The following LUZP2 variants were observed in gnomAD, a reference collection of about 807,000 sequenced individuals.
LUZP2 encodes leucine zipper protein 2.
Under a neutral mutation model 51.6 loss-of-function variants are expected in LUZP2, and 52 were observed. The ratio of observed to expected loss-of-function variants is 1.01; its 90% CI spans 0.81 to 1.27. LUZP2 has a LOEUF of 1.27. LUZP2 is among the 50% of genes most tolerant of loss of function. The pLI, the probability that LUZP2 is intolerant of heterozygous loss-of-function variation, is 0.00. For missense variants in LUZP2, 436 were observed against 395.4 expected (o/e 1.10, Z -0.87); for synonymous variants, 154 against 137.3 (o/e 1.12, Z -0.85).
At chr11:24,757,965 G>A (rs1859835454) in intron 4 of LUZP2, among the ~76,000 whole-genome samples, 1 of 152,028 alleles carries the variant, frequency 6.6e-6, no homozygotes. Flanking sequence ...GGATTTTAAT[G>A]ATGACTTTTA....
intron 1 of LUZP2, among the ~76,000 whole-genome samples, chr11:24,567,823 A>C (rs1852292419): frequency 6.6e-6 from 1 of 152,162 alleles, no homozygotes; most frequent in African/African-American, 2.4e-5. Flanking sequence ...ATCTGCCTGA[A>C]AAAGAGATCC....
At chr11:24,522,392 G>C (rs1382918563) in intron 1 of LUZP2, among the ~76,000 whole-genome samples, 2 of 150,618 alleles carry the variant, frequency 1.3e-5, no homozygotes, top group African/African-American at 4.9e-5. Context: ...AGCAAAATCT[G>C]TTTCATTCAT....
At chr11:24,704,095 A>G in intron 1 of LUZP2, among the ~76,000 whole-genome samples, 1 of 150,364 alleles carries the variant, frequency 6.7e-6, no homozygotes, top group East Asian at 2.0e-4. Flanking sequence ...ATCCACCAGC[A>G]ACACACATAT....
chr11:25,026,522 G>A (rs1857496725), intron 9 of LUZP2, among the ~76,000 whole-genome samples: 1 of 139,848 alleles, frequency 7.2e-6, no homozygotes, highest in Admixed American at 7.6e-5. Context: ...TAAGCTTATT[G>A]CCTTAAAATG....
At chr11:24,988,921 G>C (rs908459815) in intron 9 of LUZP2, among the ~76,000 whole-genome samples, 1 of 151,654 alleles carries the variant, frequency 6.6e-6, no homozygotes, top group African/African-American at 2.4e-5. Context: ...CCTCCAAGAA[G>C]ACACAACACA....
At chr11:24,949,332 C>CTA in intron 7 of LUZP2, among the ~76,000 whole-genome samples, 1 of 36,250 alleles carries the variant, frequency 2.8e-5, no homozygotes, top group Non-Finnish European at 6.4e-5. Context: ...ATCTATCTAT[C>CTA]TCTCTATCTA....
intron 1 of LUZP2, among the ~76,000 whole-genome samples, chr11:24,686,188 C>A (rs945660004): frequency 2.0e-5 from 3 of 147,286 alleles, no homozygotes; most frequent in Non-Finnish European, 4.5e-5. Context: ...TGTAGTCATG[C>A]TTTTGATAGA....
intron 1 of LUZP2, among the ~76,000 whole-genome samples, chr11:24,507,355 A>T (rs1202050474): frequency 6.6e-6 from 1 of 152,102 alleles, no homozygotes; most frequent in East Asian, 1.9e-4. Context: ...GAATGGGAAG[A>T]TGTTGATGTT....
chr11:24,918,464 A>G (rs530964829), intron 7 of LUZP2, among the ~76,000 whole-genome samples: 4 of 151,906 alleles, frequency 2.6e-5, no homozygotes, highest in East Asian at 3.9e-4. Flanking sequence ...AGGTTTGCAC[A>G]TGATTATCTC....
chr11:25,077,339 C>G lies in LUZP2; in HGVS notation c.869C>G (p.Pro290Arg), dbSNP rs201686624. The G allele has an allele frequency of 1.9e-6, 3 of 1,611,674 alleles. No individual in the cohort carries two copies. ...TTGCTACTTTTGTAGGAGGGCAGAC[C>G]GTGTTCCATGAAGCACAAAGAAAGT... ...TACDSQDEGRPCSMKHKESPP... is the reference protein window; with the variant it reads ...TACDSQDEGRRCSMKHKESPP... Residue 290 changes from proline to arginine, a missense_variant, in exon 11 of 12, where the codon CCG becomes CGG. Pro to Arg is a moderately radical substitution (Grantham distance 103, BLOSUM62 -2). Coordinates refer to ENST00000336930, the MANE Select transcript of LUZP2 (RefSeq NM_001009909.4).
At chr11:24,756,444 T>G (rs1158588636) in intron 4 of LUZP2, among the ~76,000 whole-genome samples, 1 of 152,242 alleles carries the variant, frequency 6.6e-6, no homozygotes, top group Non-Finnish European at 1.5e-5. Context: ...ATTCCACTGA[T>G]AGCTTTTACC....
chr11:24,911,219 T>C (rs952315957), intron 6 of LUZP2, among the ~76,000 whole-genome samples: 5 of 152,146 alleles, frequency 3.3e-5, no homozygotes, highest in African/African-American at 1.2e-4. Context: ...AAGGGAATTG[T>C]GTTCTCAGAT....
intron 1 of LUZP2, among the ~76,000 whole-genome samples, chr11:24,675,869 A>G (rs1856531196): frequency 6.6e-6 from 1 of 151,464 alleles, no homozygotes; most frequent in Non-Finnish European, 1.5e-5. Flanking sequence ...CCCAGGCTGG[A>G]GTACAGTGGT....
chr11:24,858,592 G>C (rs1016465968), intron 5 of LUZP2, among the ~76,000 whole-genome samples: 2 of 152,096 alleles, frequency 1.3e-5, no homozygotes, highest in Non-Finnish European at 2.9e-5. Flanking sequence ...AAGAGCTATT[G>C]CCAAATGCAA....
intron 1 of LUZP2, among the ~76,000 whole-genome samples, chr11:24,726,396 A>G (rs1462861124): frequency 1.3e-5 from 2 of 151,994 alleles, no homozygotes; most frequent in Non-Finnish European, 2.9e-5. Context: ...ACCAGCACAT[A>G]TTGAAACTAA....
chr11:24,569,989 T>C (rs1852382038), intron 1 of LUZP2, among the ~76,000 whole-genome samples: 1 of 152,108 alleles, frequency 6.6e-6, no homozygotes, highest in Non-Finnish European at 1.5e-5. Flanking sequence ...ATTTACATAC[T>C]GACAAGTTAC....
intron 5 of LUZP2, chr11:24,785,830 C>T (rs1849231466): frequency 4.1e-6 from 4 of 982,198 alleles, no homozygotes; most frequent in South Asian, 4.7e-5. Flanking sequence ...AAGTTCCAGG[C>T]TTCAAGAGGC....
At chr11:24,810,065 AAGTAGTTGTGTTCCAGGTAGTT>A (rs1849973469) in intron 5 of LUZP2, among the ~76,000 whole-genome samples, 1 of 152,194 alleles carries the variant, frequency 6.6e-6, no homozygotes, top group Non-Finnish European at 1.5e-5. Context: ...TTATGTTTAT[AAGTAGTTGTGTTCCAGGTAGTT>A]AACAGCCTTC....
At position 24,625,473 on chromosome 11, in the gene LUZP2, T is replaced by A. The variant is rs372392675; in HGVS notation, c.63-103696T>A. Among the ~76,000 whole-genome samples, 38 of 152,226 alleles carry A rather than the reference T, an allele frequency of 2.5e-4. No homozygotes were observed. The East Asian group carries it at 6.6e-3, about 26-fold the overall frequency. On this transcript the variant is annotated intron_variant, in intron 1 of 11. Transcript: ENST00000336930. ...ATGTTAATTAGCTTCATTGTGGTGA[T>A]TTATTACTATGTATACATATAAAAA...
Sources: allele counts gnomAD v4.1 joint callset (sites outside exome capture counted in the v4.1 genomes callset), GRCh38; gene constraint gnomAD v4.1.1; transcripts MANE v1.5; gene names NCBI Gene and HGNC (gene_info 2026-07-23, HGNC 2026-07-21).